The following AGBL4 variants were observed in gnomAD, a reference collection of about 807,000 sequenced individuals.
AGBL4 encodes the protein AGBL carboxypeptidase 4.
Under a neutral mutation model 66.4 loss-of-function variants are expected in AGBL4, and 58 were observed. That is an observed-to-expected ratio of 0.87 (90% CI 0.71 to 1.09). The LOEUF (loss-of-function observed/expected upper bound fraction) is 1.09. Ranked by LOEUF, AGBL4 falls within the 50% of genes least tolerant of loss-of-function variation. The probability of loss-of-function intolerance (pLI) is 0.00; values close to 1 mark genes in which losing one functional copy is unlikely to be tolerated. For synonymous variants in AGBL4, 234 were observed against 222.9 expected (o/e 1.05, Z -0.44); for missense variants, 579 against 631.0 (o/e 0.92, Z 0.88).
intron 5 of AGBL4, among the ~76,000 whole-genome samples, chr1:48,965,464 T>C (rs1186157138): frequency 1.3e-5 from 2 of 152,170 alleles, no homozygotes; most frequent in East Asian, 3.8e-4. Flanking sequence ...CGGTGATTTG[T>C]CTGATGTGGC....
intron 4 of AGBL4, among the ~76,000 whole-genome samples, chr1:49,056,014 T>C (rs992751392): frequency 6.6e-6 from 1 of 152,132 alleles, no homozygotes; most frequent in Admixed American, 6.5e-5. Flanking sequence ...TTTAACCTGA[T>C]TAAAATTAAT....
chr1:49,128,230 G>C (rs773774712), intron 4 of AGBL4, among the ~76,000 whole-genome samples: 1 of 151,948 alleles, frequency 6.6e-6, no homozygotes, highest in Non-Finnish European at 1.5e-5. Flanking sequence ...GAAGTAGTCA[G>C]TATATTAAAT....
chr1:49,494,455 T>C lies in AGBL4; in HGVS notation c.282+202858A>G, dbSNP rs560879952. ...CGCACCCCACAACGTCCCCAGAGTGTGATGTTCCCCTTCCTATGTCCATGT... is the reference window on the plus strand; with the variant it reads ...CGCACCCCACAACGTCCCCAGAGTGCGATGTTCCCCTTCCTATGTCCATGT... On this transcript the variant is annotated intron_variant, in intron 3 of 13. Transcript: ENST00000371839. Among the ~76,000 whole-genome samples, 3 of 151,992 alleles carry C rather than the reference T, an allele frequency of 2.0e-5. No homozygotes were observed. The East Asian group carries it at 5.8e-4, about 30-fold the overall frequency.
chr1:49,643,134 C>T (rs1645816852), intron 3 of AGBL4, among the ~76,000 whole-genome samples: 1 of 151,800 alleles, frequency 6.6e-6, no homozygotes, highest in Non-Finnish European at 1.5e-5. Context: ...ATAGATAAAT[C>T]AGATGGCTAG....
chr1:48,764,176 G>C (rs773022217), intron 6 of AGBL4, among the ~76,000 whole-genome samples: 3 of 152,194 alleles, frequency 2.0e-5, no homozygotes, highest in Non-Finnish European at 4.4e-5. Context: ...AGGAGCATGG[G>C]AGATCACTTC....
intron 11 of AGBL4, among the ~76,000 whole-genome samples, chr1:48,581,034 T>G (rs1644732061): frequency 1.3e-5 from 2 of 152,132 alleles, no homozygotes; most frequent in South Asian, 4.1e-4. Context: ...TCCCACTGCT[T>G]CCCCAACCAG....
At chr1:50,006,650 A>T (rs1300262693) in intron 1 of AGBL4, among the ~76,000 whole-genome samples, 2 of 150,368 alleles carry the variant, frequency 1.3e-5, no homozygotes, top group African/African-American at 2.4e-5. Context: ...GACAAGCATG[A>T]CATATTTAAA....
intron 4 of AGBL4, among the ~76,000 whole-genome samples, chr1:49,183,458 T>A (rs1004047012): frequency 6.6e-6 from 1 of 152,124 alleles, no homozygotes; most frequent in Non-Finnish European, 1.5e-5. Flanking sequence ...GGTCTTGGAA[T>A]TGCCTCCTAA....
chr1:49,654,035 G>T (rs1003341744), intron 3 of AGBL4, among the ~76,000 whole-genome samples: 6 of 152,076 alleles, frequency 3.9e-5, no homozygotes, highest in African/African-American at 1.4e-4. Context: ...GATTCTCCAA[G>T]ATCGAAACGA....
chr1:48,633,729 C>T (rs1281356598), intron 9 of AGBL4, among the ~76,000 whole-genome samples: 3 of 152,244 alleles, frequency 2.0e-5, no homozygotes, highest in African/African-American at 7.2e-5. Context: ...TGGTTTGCTT[C>T]ATTTCTCTAA....
intron 3 of AGBL4, among the ~76,000 whole-genome samples, chr1:49,416,641 C>T (rs972550433): frequency 1.3e-5 from 2 of 152,054 alleles, no homozygotes. Flanking sequence ...TTGGGCAAGT[C>T]ATTTAGCTTC....
intron 5 of AGBL4, among the ~76,000 whole-genome samples, chr1:48,948,290 T>C (rs1656690587): frequency 1.3e-5 from 2 of 152,192 alleles, no homozygotes; most frequent in South Asian, 2.1e-4. Context: ...AGTTTGTAAA[T>C]CAAGCCCTCC....
chr1:48,969,946 T>A (rs1184498430), intron 5 of AGBL4, among the ~76,000 whole-genome samples: 3 of 152,204 alleles, frequency 2.0e-5, no homozygotes, highest in African/African-American at 7.2e-5. Context: ...GCATATTACT[T>A]GTATTAATTT....
At chr1:50,023,028 C>T (rs1037690780) in intron 1 of AGBL4, among the ~76,000 whole-genome samples, 1 of 152,066 alleles carries the variant, frequency 6.6e-6, no homozygotes, top group African/African-American at 2.4e-5. Flanking sequence ...TATCTTCTAC[C>T]CACAGAAGTG....
intron 7 of AGBL4, among the ~76,000 whole-genome samples, chr1:48,660,239 C>G (rs1164349855): frequency 2.6e-5 from 4 of 152,246 alleles, no homozygotes; most frequent in African/African-American, 9.6e-5. Flanking sequence ...GCTGCCACCC[C>G]TTCCAGAGCT....
chr1:49,127,705 A>G (rs557398371), intron 4 of AGBL4, among the ~76,000 whole-genome samples: 1 of 152,080 alleles, frequency 6.6e-6, no homozygotes, highest in Non-Finnish European at 1.5e-5. Context: ...TTTCTCATTG[A>G]TCCCTTGGGT....
intron 3 of AGBL4, among the ~76,000 whole-genome samples, chr1:49,667,088 AATAAT>A (rs772029735): frequency 6.6e-6 from 1 of 152,160 alleles, no homozygotes; most frequent in African/African-American, 2.4e-5. Flanking sequence ...GTGAGAAACA[AATAAT>A]ATAATACATG....
chr1:49,468,713 G>A lies in AGBL4; in HGVS notation c.283-222849C>T, dbSNP rs143204024. Among the ~76,000 whole-genome samples, 569 of 151,680 alleles carry A rather than the reference G, an allele frequency of 3.8e-3. 1 individual carries two copies. The highest frequency in any genetic ancestry group is 0.013 in the African/African-American group (527 of 41,440). On this transcript the variant is annotated intron_variant, in intron 3 of 13. Coordinates refer to ENST00000371839, the MANE Select transcript of AGBL4 (RefSeq NM_032785.4). ...TCATCTTCACATCATTTCCAATACC[G>A]AAGGAATAAATTGTGTGGAGACCTT...
intron 5 of AGBL4, among the ~76,000 whole-genome samples, chr1:48,999,587 G>A (rs548545877): frequency 2.0e-4 from 31 of 152,246 alleles, no homozygotes; most frequent in Non-Finnish European, 3.4e-4. Context: ...GAAAAAGGCT[G>A]TGCAGCACGA....
Sources: allele counts gnomAD v4.1 joint callset (sites outside exome capture counted in the v4.1 genomes callset), GRCh38; gene constraint gnomAD v4.1.1; transcripts MANE v1.5; gene names NCBI Gene and HGNC (gene_info 2026-07-23, HGNC 2026-07-21).